The following BPTF variants were observed in gnomAD, a reference collection of about 807,000 sequenced individuals.
BPTF encodes the protein bromodomain PHD finger transcription factor, also known as nucleosome-remodeling factor subunit BPTF.
In BPTF, 18 loss-of-function variants were observed where a neutral mutation model predicts 292.5. The observed-to-expected ratio is 0.06, with a 90% CI of 0.04 to 0.09. The LOEUF is 0.09. Ranked by LOEUF, BPTF falls within the 10% of genes least tolerant of loss-of-function variation. The pLI, the probability that BPTF is intolerant of heterozygous loss-of-function variation, is 1.00. For synonymous variants in BPTF, 1,225 were observed against 1,251.9 expected (o/e 0.98, Z 0.45); for missense variants, 2,726 against 3,498.7 (o/e 0.78, Z 5.57).
intron 7 of BPTF, among the ~76,000 whole-genome samples, chr17:67,894,884 T>G (rs751221134): frequency 2.0e-5 from 3 of 152,158 alleles, no homozygotes; most frequent in Admixed American, 2.0e-4. Context: ...AACAGATGAT[T>G]AAAAAGAAAG....
intron 4 of BPTF, among the ~76,000 whole-genome samples, chr17:67,889,283 T>G (rs1167501953): frequency 6.6e-6 from 1 of 152,206 alleles, no homozygotes; most frequent in Non-Finnish European, 1.5e-5. Context: ...GGTAATTTTC[T>G]CCTCCTTTCC....
At chr17:67,929,125 G>A in intron 16 of BPTF, 1 of 1,345,644 alleles carries the variant, frequency 7.4e-7, no homozygotes, top group South Asian at 2.0e-5. Flanking sequence ...AAGGAGGTAA[G>A]GGAAATGTGA....
In BPTF at chr17:67,959,668, CTT is replaced by C; in HGVS notation, c.8055_8056del (p.Ser2686ThrfsTer51). 4 of 1,611,904 alleles carry C rather than the reference CTT, an allele frequency of 2.5e-6. No individual in the cohort carries two copies. Among genetic ancestry groups the C allele is most frequent in the South Asian group, 1.1e-5 (1 of 90,926 alleles). The stretch of plus-strand genomic sequence containing the variant: ...CCTCCAGCCCCTCCAGCCCCTCCAC[CTT>C]CACCTCCCCCTCCACCTGCTGTGCA... On this transcript the variant is annotated frameshift_variant, in exon 24 of 28. Coordinates refer to ENST00000306378, the MANE Select transcript of BPTF (RefSeq NM_182641.4). LOFTEE classifies it high-confidence loss of function.
chr17:67,964,771 T>C (rs149574058), intron 25 of BPTF, among the ~76,000 whole-genome samples: 3,414 of 150,620 alleles, frequency 0.023, 116 homozygotes, highest in African/African-American at 0.068. Context: ...GAGGCCAAGG[T>C]GGGCGGATCA....
At chr17:67,904,528 A>T (rs959441985) in intron 8 of BPTF, among the ~76,000 whole-genome samples, 174 bp from the exon 9 acceptor site, 2 of 152,248 alleles carry the variant, frequency 1.3e-5, no homozygotes, top group African/African-American at 2.4e-5. Flanking sequence ...TTCCCAGTGA[A>T]AACTAAATTG....
At chr17:67,975,737 A>G (rs782026571) in intron 26 of BPTF, 35 bp from the exon 27 acceptor site, 3 of 1,561,644 alleles carry the variant, frequency 1.9e-6, no homozygotes, top group Middle Eastern at 1.7e-4. Context: ...AAAACCTTAA[A>G]GCTCTGAAAA....
At chr17:67,859,418 T>A (rs1217830281) in intron 2 of BPTF, among the ~76,000 whole-genome samples, 1 of 152,198 alleles carries the variant, frequency 6.6e-6, no homozygotes, top group African/African-American at 2.4e-5. Context: ...AATCATAGGG[T>A]TACAGGCCTG....
intron 7 of BPTF, among the ~76,000 whole-genome samples, chr17:67,900,159 C>G (rs559480441): frequency 5.9e-5 from 9 of 152,134 alleles, no homozygotes; most frequent in Admixed American, 5.9e-4. Flanking sequence ...GGCTAGAGGG[C>G]AGTGGCGCCA....
chr17:67,875,810 G>T, intron 4 of BPTF: 2 of 1,281,362 alleles, frequency 1.6e-6, no homozygotes, highest in South Asian at 4.8e-5. Context: ...AGTAAAAGCC[G>T]AATGTCACCT....
chr17:67,929,853 C>T (rs1243896161), intron 17 of BPTF, among the ~76,000 whole-genome samples: 20 of 152,176 alleles, frequency 1.3e-4, no homozygotes, highest in African/African-American at 3.1e-4. Flanking sequence ...CGGCGGCTCA[C>T]GCCTGTAATC....
In BPTF at chr17:67,940,931, T is replaced by G. The variant is rs561626807; in HGVS notation, c.6477+275T>G. On this transcript the variant is annotated intron_variant, in intron 19 of 27. Transcript: ENST00000306378. ...GCTAATCTCCATGAGACAAATAAAA[T>G]TTGAGTACATTAAGCTGCTTCCTTG... Among the ~76,000 whole-genome samples the G allele has an allele frequency of 3.3e-5, 5 of 152,266 alleles. No homozygotes were observed. In the East Asian group the frequency reaches 9.6e-4, roughly 29 times the overall value.
intron 4 of BPTF, among the ~76,000 whole-genome samples, chr17:67,882,506 C>G (rs1404764512): frequency 6.6e-6 from 1 of 152,186 alleles, no homozygotes; most frequent in East Asian, 1.9e-4. Context: ...TGCTTTATCC[C>G]AATACAGGGT....
intron 1 of BPTF, among the ~76,000 whole-genome samples, chr17:67,833,177 G>A (rs953012492): frequency 2.6e-5 from 4 of 151,726 alleles, no homozygotes; most frequent in Admixed American, 2.6e-4. Flanking sequence ...ATGTTTTCAA[G>A]CGTTATGCAT....
intron 4 of BPTF, among the ~76,000 whole-genome samples, chr17:67,881,852 GTTTTT>G (rs2060430589): frequency 1.6e-4 from 6 of 38,404 alleles, no homozygotes; most frequent in African/African-American, 2.6e-4. Flanking sequence ...GGGATTTTGG[GTTTTT>G]GTTTTTTTTT....
rs1450576480 is a variant in BPTF, at chr17:67,928,283, ACTT to A, written c.5752-68_5752-66del. On this transcript the variant is annotated intron_variant, in intron 15 of 27. Transcript: ENST00000306378. ...TTAAGGTGAGAGAAATTGTGGACAG[ACTT>A]CTTGTAGAATGGTATTGTTTTTATT... The A allele has an allele frequency of 2.0e-6, 3 of 1,467,568 alleles. No individual in the cohort carries two copies. The African/African-American group carries it at 4.2e-5, about 21-fold the overall frequency. The allele number at this position is 1,467,568 out of a possible 1,614,324, so 90.9% of individuals were successfully genotyped here. A position where few individuals can be genotyped will look rare whatever the true frequency, so the allele number is the denominator to read the frequency against.
At chr17:67,921,393 G>T (rs990346543) in intron 13 of BPTF, among the ~76,000 whole-genome samples, 6 of 151,798 alleles carry the variant, frequency 4.0e-5, no homozygotes, top group African/African-American at 1.5e-4. Context: ...AGGTGTGGTG[G>T]TACACACGTG....
chr17:67,910,849 C>G (rs775096703), intron 10 of BPTF, 28 bp from the exon 11 acceptor site: 2 of 1,449,848 alleles, frequency 1.4e-6, no homozygotes, highest in Admixed American at 5.0e-5. Flanking sequence ...GTAAAAATTA[C>G]ATTTATATAA....
chr17:67,980,327 A>C (rs776680416), intron 27 of BPTF, among the ~76,000 whole-genome samples: 1 of 152,210 alleles, frequency 6.6e-6, no homozygotes, highest in African/African-American at 2.4e-5. Context: ...CCTGGGCAAC[A>C]CTGAGGCTCC....
chr17:67,945,389 T>G lies in BPTF; in HGVS notation c.6701-20T>G, dbSNP rs1555673931. ...TTATGTTCCAGAGTAATAGAAATGG[T>G]TCATCTTTCCTTTTTACAGGTACAG... On this transcript the variant is annotated intron_variant, in intron 20 of 27. Coordinates refer to ENST00000306378, the MANE Select transcript of BPTF (RefSeq NM_182641.4). 6.3e-6 allele frequency: 10 copies of G among 1,589,186 alleles called. No homozygotes were observed. Among genetic ancestry groups the G allele is most frequent in the Non-Finnish European group, 8.6e-6 (10 of 1,167,600 alleles).
Sources: allele counts gnomAD v4.1 joint callset (sites outside exome capture counted in the v4.1 genomes callset), GRCh38; gene constraint gnomAD v4.1.1; transcripts MANE v1.5; gene names NCBI Gene and HGNC (gene_info 2026-07-23, HGNC 2026-07-21).